AATK: variants seen among roughly 807,000 people sequenced by gnomAD.
The protein encoded by AATK is serine/threonine-protein kinase LMTK1.
Under a neutral mutation model 114.3 loss-of-function variants are expected in AATK, and 91 were observed. The observed-to-expected ratio is 0.80, with a 90% CI of 0.67 to 0.95. The LOEUF is 0.95. AATK is among the 40% of genes least tolerant of loss of function. The probability of loss-of-function intolerance (pLI) is 0.00; values close to 1 mark genes in which losing one functional copy is unlikely to be tolerated. For synonymous variants in AATK, 1,075 were observed against 916.5 expected, an observed-to-expected ratio of 1.17 and a Z score of -3.12; for missense variants, 2,176 against 1,965.2, an observed-to-expected ratio of 1.11 and a Z score of -2.03.
chr17:81,147,799 G>A (rs987108241), intron 1 of AATK, among the ~76,000 whole-genome samples: 4 of 152,112 alleles, frequency 2.6e-5, no homozygotes, highest in African/African-American at 9.7e-5. Context: ...TATCAATGAC[G>A]TTATGCTAAG....
At chr17:81,161,323 G>A (rs1254339934) in intron 1 of AATK, among the ~76,000 whole-genome samples, 1 of 152,140 alleles carries the variant, frequency 6.6e-6, no homozygotes, top group Non-Finnish European at 1.5e-5. Flanking sequence ...GCCTCTGCAC[G>A]TGGCCTCCTT....
At chr17:81,131,719 C>T (rs539189195) in intron 2 of AATK, among the ~76,000 whole-genome samples, 3 of 152,270 alleles carry the variant, frequency 2.0e-5, no homozygotes, top group Non-Finnish European at 4.4e-5. Context: ...CCCCTCACCC[C>T]GGGCTGTGCC....
At chr17:81,156,800 T>C (rs1483036647) in intron 1 of AATK, among the ~76,000 whole-genome samples, 1 of 152,218 alleles carries the variant, frequency 6.6e-6, no homozygotes, top group African/African-American at 2.4e-5. Flanking sequence ...GCACTTGGGA[T>C]TGTGTCTTTT....
intron 1 of AATK, among the ~76,000 whole-genome samples, chr17:81,138,969 G>A (rs560367283): frequency 1.2e-4 from 18 of 147,370 alleles, no homozygotes; most frequent in African/African-American, 2.3e-4. Context: ...ACGTGCGCGC[G>A]CACCCACACC....
chr17:81,119,362 G>A lies in AATK; in HGVS notation c.4084+18C>T, dbSNP rs372551688. On this transcript the variant is annotated intron_variant, in intron 13 of 13. Transcript: ENST00000326724. ...GCCTCCCGCGTGCCCTTCTGCCACAGCCCCGCCCAGGCCTCACCTCTCTTG... is the reference window on the plus strand; with the variant it reads ...GCCTCCCGCGTGCCCTTCTGCCACAACCCCGCCCAGGCCTCACCTCTCTTG... 3.8e-6 allele frequency: 6 copies of A among 1,558,904 alleles called. No homozygotes were observed. The highest frequency in any genetic ancestry group is 5.2e-6 in the Non-Finnish European group (6 of 1,159,766).
At chr17:81,165,824 T>C in intron 1 of AATK, 114 bp downstream of exon 1, 1 of 1,507,066 alleles carries the variant, frequency 6.6e-7, no homozygotes, top group Non-Finnish European at 8.9e-7. Context: ...GCTGCTGGGC[T>C]CGGGGCGGGG....
intron 7 of AATK, 200 bp from the exon 8 acceptor site, chr17:81,125,214 C>T: frequency 1.5e-6 from 1 of 675,950 alleles, no homozygotes. Context: ...CAGGGCCCTA[C>T]TCTGTGCCCA....
chr17:81,119,934 A>C lies in AATK; in HGVS notation c.3883+2T>G. ...CACGGGCCCAGCCCCGCCCCTGCTCACCCTCTTCCGCTGTGGAGCCATTTG... is the reference window on the plus strand; with the variant it reads ...CACGGGCCCAGCCCCGCCCCTGCTCCCCCTCTTCCGCTGTGGAGCCATTTG... On this transcript the variant is annotated splice_donor_variant, in intron 12 of 13. Coordinates refer to ENST00000326724, the MANE Select transcript of AATK (RefSeq NM_001080395.3). LOFTEE classifies it high-confidence loss of function. 2 of 1,433,892 alleles carry C rather than the reference A, an allele frequency of 1.4e-6. No individual in the cohort carries two copies. Among genetic ancestry groups the C allele is most frequent in the Non-Finnish European group, 1.8e-6 (2 of 1,096,010 alleles). The allele number at this position is 1,433,892 out of a possible 1,614,324, so 88.8% of individuals were successfully genotyped here.
At chr17:81,137,522 T>TG (rs1330133728) in intron 1 of AATK, among the ~76,000 whole-genome samples, 2 of 152,146 alleles carry the variant, frequency 1.3e-5, no homozygotes, top group Non-Finnish European at 2.9e-5. Flanking sequence ...GAGCCTTCTC[T>TG]GTGCCCTCAT....
rs754489880 is a variant in AATK at position 81,134,507 on chromosome 17, G to A, written c.56-6C>T. The stretch of plus-strand genomic sequence containing the variant: ...CTCGCTGAGCGGGGCGCCGTCTGCG[G>A]GAGAGCAGTGTGGTGAGAGTGGCCA... On this transcript the variant is annotated splice_polypyrimidine_tract_variant and splice_region_variant and intron_variant, in intron 1 of 13. Coordinates refer to ENST00000326724, the MANE Select transcript of AATK (RefSeq NM_001080395.3). The A allele has an allele frequency of 1.2e-6, 2 of 1,609,946 alleles. No individual in the cohort carries two copies. The highest frequency in any genetic ancestry group is 1.7e-6 in the Non-Finnish European group (2 of 1,178,652).
intron 1 of AATK, among the ~76,000 whole-genome samples, chr17:81,141,301 A>C (rs1362571150): frequency 6.6e-6 from 1 of 152,082 alleles, no homozygotes; most frequent in Non-Finnish European, 1.5e-5. Context: ...AATACAAAAA[A>C]CTAGCCGGGC....
At chr17:81,127,518 C>G (rs2060859998) in intron 6 of AATK, 65 bp downstream of exon 6, 2 of 1,493,346 alleles carry the variant, frequency 1.3e-6, no homozygotes, top group East Asian at 4.9e-5. Flanking sequence ...GCACCAGACA[C>G]TGGCAGGGCA....
intron 1 of AATK, among the ~76,000 whole-genome samples, chr17:81,162,361 C>T (rs1296369620): frequency 2.0e-5 from 3 of 152,234 alleles, no homozygotes; most frequent in African/African-American, 4.8e-5. Context: ...ACCCCGGGGG[C>T]GAGAGGAGGA....
chr17:81,119,262 G>GGGGCCGGGAAGGAGCT, intron 13 of AATK, 118 bp downstream of exon 13: 1 of 1,105,024 alleles, frequency 9.0e-7, no homozygotes, highest in Non-Finnish European at 1.2e-6. Context: ...GGGAAGGAGC[G>GGGGCCGGGAAGGAGCT]GAGCGGAGCG....
Position 81,122,821 on chromosome 17 carries a change from T to A in AATK, c.1115A>T (p.Tyr372Phe). 1 of 1,535,440 alleles carries A rather than the reference T, an allele frequency of 6.5e-7. No homozygotes were observed. The highest frequency in any genetic ancestry group is 1.2e-5 in the South Asian group (1 of 82,588). Residue 372 changes from tyrosine (Y) to phenylalanine (F), a missense_variant and splice_region_variant, in exon 11 of 14, where the codon TAC becomes TTC. Physicochemically the swap from Tyr to Phe is conservative, Grantham distance 22. Coordinates refer to ENST00000326724, the MANE Select transcript of AATK (RefSeq NM_001080395.3). ...CAGCCAGCAGAACTGCATCACCTCG[T>A]ACCTGCGAGGAGGTCCCCCGGGGGC... ...QLQLTLSDRW[Y>F]EVMQFCWLQP...
intron 12 of AATK, 51 bp downstream of exon 12, chr17:81,119,885 A>AC (rs2060675239): frequency 1.0e-5 from 14 of 1,388,272 alleles, no homozygotes; most frequent in Middle Eastern, 2.1e-4. Context: ...CACAGCACGG[A>AC]CCAGGCCCTG....
chr17:81,120,978 G>C lies in AATK; in HGVS notation c.2958C>G (p.Leu986=). The part of the protein sequence containing the change: ...ETRLSTSLSG[L]NEKNPYRDSA... ...AGTCTCGGTAGGGATTCTTCTCGTTGAGGCCACTGAGGGAGGTGGAGAGCC... is the reference window on the plus strand; with the variant it reads ...AGTCTCGGTAGGGATTCTTCTCGTTCAGGCCACTGAGGGAGGTGGAGAGCC... Residue 986 remains leucine, a synonymous_variant, in exon 11 of 14, where the codon CTC becomes CTG. Transcript: ENST00000326724. The C allele has an allele frequency of 6.2e-7, 1 of 1,610,318 alleles. No individual in the cohort carries two copies. The highest frequency in any genetic ancestry group is 8.5e-7 in the Non-Finnish European group (1 of 1,179,000).
chr17:81,140,652 G>A (rs528873085), intron 1 of AATK, among the ~76,000 whole-genome samples: 12 of 146,970 alleles, frequency 8.2e-5, no homozygotes, highest in Admixed American at 3.4e-4. Flanking sequence ...CCGTGGGGCC[G>A]GGGGACCGTG....
chr17:81,137,101 T>TA (rs1234564326), intron 1 of AATK, among the ~76,000 whole-genome samples: 1 of 151,440 alleles, frequency 6.6e-6, no homozygotes, highest in East Asian at 1.9e-4. Context: ...CTACTAAAAA[T>TA]AAAAAAATTA....
Sources: gnomAD v4.1 joint callset for allele counts (sites outside exome capture counted in the v4.1 genomes callset) on GRCh38, gnomAD v4.1.1 for gene constraint, MANE v1.5 for transcripts, NCBI Gene and HGNC (gene_info 2026-07-23, HGNC 2026-07-21) for gene names.